NARS2: variants seen among roughly 807,000 people sequenced by gnomAD.
NARS2 encodes the protein asparaginyl-tRNA synthetase 2, mitochondrial.
NARS2 carries 60 observed loss-of-function variants against 62.9 expected under a neutral mutation model. That is an observed-to-expected ratio of 0.95 (90% confidence interval 0.77 to 1.18). The LOEUF is 1.18. Ranked by LOEUF, NARS2 falls within the 50% of genes most tolerant of loss-of-function variation. The probability of loss-of-function intolerance (pLI) is 0.00; values close to 1 mark genes in which losing one functional copy is unlikely to be tolerated. For missense variants in NARS2, 619 were observed against 576.4 expected (o/e 1.07, Z -0.76); for synonymous variants, 196 against 200.0 (o/e 0.98, Z 0.17).
chr11:78,441,244 A>AACTATATTG, intron 12 of NARS2, 127 bp from the exon 13 acceptor site: 1 of 749,272 alleles, frequency 1.3e-6, no homozygotes, highest in Non-Finnish European at 2.2e-6. Context: ...CTCTGCTCTC[A>AACTATATTG]AGTAATACTC....
At chr11:78,519,615 G>C (rs760325967) in intron 6 of NARS2, among the ~76,000 whole-genome samples, 7 of 151,730 alleles carry the variant, frequency 4.6e-5, no homozygotes, top group African/African-American at 7.3e-5. Flanking sequence ...CTTAATAGCT[G>C]TACAGTAATC....
At position 78,525,274 on chromosome 11, in the gene NARS2, G is replaced by C. The variant is rs555535815; in HGVS notation, c.689+3568C>G. Among the ~76,000 whole-genome samples, 177 of 152,176 alleles carry C rather than the reference G, an allele frequency of 1.2e-3. 1 individual carries two copies. The highest frequency in any genetic ancestry group is 1.2e-4 in the Non-Finnish European group (8 of 67,950). ...CAACTAGGAGTGAATGCTCGTAAAA[G>C]CTATGGACTTTGGAGGAATAATAAT... is the stretch of plus-strand genomic sequence containing the variant. On this transcript the variant is annotated intron_variant, in intron 6 of 13. Coordinates refer to ENST00000281038, the MANE Select transcript of NARS2 (RefSeq NM_024678.6).
intron 5 of NARS2, chr11:78,546,538 A>G (rs1164238661): frequency 6.6e-6 from 1 of 152,240 alleles, no homozygotes; most frequent in African/African-American, 2.4e-5. Flanking sequence ...ACAAGGATAT[A>G]CATTCAACAA....
At chr11:78,529,811 G>A (rs1435088021) in intron 5 of NARS2, among the ~76,000 whole-genome samples, 3 of 152,108 alleles carry the variant, frequency 2.0e-5, no homozygotes, top group Non-Finnish European at 4.4e-5. Context: ...ATAGGCATGA[G>A]TCCCTGAGCC....
At chr11:78,536,488 T>C (rs1347791825) in intron 5 of NARS2, among the ~76,000 whole-genome samples, 1 of 152,104 alleles carries the variant, frequency 6.6e-6, no homozygotes, top group African/African-American at 2.4e-5. Flanking sequence ...GCTGCCCCCG[T>C]ATAGGCCTAG....
At chr11:78,437,455 C>T (rs1298892261) in intron 13 of NARS2, among the ~76,000 whole-genome samples, 1 of 152,052 alleles carries the variant, frequency 6.6e-6, no homozygotes, top group South Asian at 2.1e-4. Flanking sequence ...GTGAAGATGC[C>T]CAGAGTCATT....
chr11:78,448,392 C>A (rs1203251050), intron 11 of NARS2, among the ~76,000 whole-genome samples: 1 of 151,354 alleles, frequency 6.6e-6, no homozygotes, highest in Non-Finnish European at 1.5e-5. Flanking sequence ...TCTTGGCTCA[C>A]TGCAACCTCC....
chr11:78,465,114 C>T (rs1024037813), intron 11 of NARS2, among the ~76,000 whole-genome samples: 1 of 152,210 alleles, frequency 6.6e-6, no homozygotes, highest in African/African-American at 2.4e-5. Flanking sequence ...GAGCCCTGCC[C>T]CACGGGAAGG....
At chr11:78,525,796 C>A (rs1179080385) in intron 6 of NARS2, among the ~76,000 whole-genome samples, 2 of 152,020 alleles carry the variant, frequency 1.3e-5, no homozygotes, top group African/African-American at 2.4e-5. Context: ...ACTACCTTAT[C>A]CAAGTAATGA....
chr11:78,523,175 G>A (rs1590812206), intron 6 of NARS2, among the ~76,000 whole-genome samples: 1 of 152,146 alleles, frequency 6.6e-6, no homozygotes, highest in East Asian at 1.9e-4. Flanking sequence ...ACAGGCACAT[G>A]GAAAGACGCT....
At chr11:78,564,583 G>A (rs1032185646) in intron 4 of NARS2, among the ~76,000 whole-genome samples, 34 of 152,012 alleles carry the variant, frequency 2.2e-4, no homozygotes, top group Admixed American at 2.2e-3. Context: ...AATGTATAGT[G>A]TAGTCTACTT....
intron 7 of NARS2, among the ~76,000 whole-genome samples, chr11:78,483,293 G>T (rs1176460700): frequency 6.6e-6 from 1 of 152,092 alleles, no homozygotes; most frequent in South Asian, 2.1e-4. Context: ...ATACTGAATG[G>T]GCAAAGCTGG....
chr11:78,505,095 T>A (rs916971518), intron 6 of NARS2, among the ~76,000 whole-genome samples: 1 of 151,430 alleles, frequency 6.6e-6, no homozygotes, highest in Admixed American at 6.6e-5. Context: ...TCTGAATTCA[T>A]AGCAAGAGAA....
Position 78,566,139 on chromosome 11 carries a change from A to C in NARS2, c.506T>G (p.Phe169Cys), listed in dbSNP as rs144653284. The C allele has an allele frequency of 1.9e-6, 3 of 1,605,898 alleles. No individual in the cohort carries two copies. Among genetic ancestry groups the C allele is most frequent in the Non-Finnish European group, 2.5e-6 (3 of 1,176,504 alleles). ...GAACTTTTAGGATCTTACCTTAAAG[A>C]AAGAATGAATAGCAGCTGTCGCTTC... is the stretch of plus-strand genomic sequence containing the variant. ...RSEATAAIHS[F>C]FKDSGFVHIH... The change falls in exon 4 of 14, where the codon TTC becomes TGC. Residue 169 changes from phenylalanine to cysteine, a missense_variant. Physicochemically the swap from Phe to Cys is radical, Grantham distance 205. Transcript: ENST00000281038.
chr11:78,500,051 G>T (rs529710190), intron 6 of NARS2, among the ~76,000 whole-genome samples: 1 of 152,206 alleles, frequency 6.6e-6, no homozygotes, highest in African/African-American at 2.4e-5. Context: ...TAGTGTTTAA[G>T]TGTTATTTAA....
At chr11:78,530,221 T>C (rs1029463514) in intron 5 of NARS2, among the ~76,000 whole-genome samples, 4 of 152,286 alleles carry the variant, frequency 2.6e-5, no homozygotes, top group Admixed American at 2.6e-4. Context: ...CAAAGATATT[T>C]AGTACTCAAG....
intron 9 of NARS2, among the ~76,000 whole-genome samples, chr11:78,477,213 C>A (rs1032042241): frequency 6.6e-6 from 1 of 152,108 alleles, no homozygotes; most frequent in African/African-American, 2.4e-5. Flanking sequence ...TACTTAATGA[C>A]CACTTTTATC....
intron 11 of NARS2, among the ~76,000 whole-genome samples, chr11:78,465,337 A>G (rs1046685734): frequency 1.3e-5 from 2 of 152,208 alleles, no homozygotes; most frequent in South Asian, 4.1e-4. Context: ...TGGCCAGCCC[A>G]GAAAGGGGCT....
intron 7 of NARS2, among the ~76,000 whole-genome samples, chr11:78,483,506 A>G (rs1442251993): frequency 6.6e-6 from 1 of 152,226 alleles, no homozygotes; most frequent in African/African-American, 2.4e-5. Context: ...TCTCAGCCCA[A>G]AAACTCCTTA....
Sources: gnomAD v4.1 joint callset for allele counts (sites outside exome capture counted in the v4.1 genomes callset) on GRCh38, gnomAD v4.1.1 for gene constraint, MANE v1.5 for transcripts, NCBI Gene and HGNC (gene_info 2026-07-23, HGNC 2026-07-21) for gene names.